DOCK9: variants seen among roughly 807,000 people sequenced by gnomAD.
DOCK9 encodes the protein dedicator of cytokinesis 9, also known as dedicator of cytokinesis protein 9.
A neutral mutation model predicts 263.3 loss-of-function variants in DOCK9; 89 were observed. The ratio of observed to expected loss-of-function variants is 0.34; its 90% CI spans 0.28 to 0.40. The LOEUF is 0.40. Among genes scored for constraint, DOCK9 ranks in the 10% least tolerant of loss-of-function variants. The probability of loss-of-function intolerance (pLI) is 1.00; values close to 1 mark genes in which losing one functional copy is unlikely to be tolerated. For synonymous variants in DOCK9, 976 were observed against 973.1 expected, an observed-to-expected ratio of 1.00 and a Z score of -0.06; for missense variants, 2,140 against 2,603.4, an observed-to-expected ratio of 0.82 and a Z score of 3.87.
intron 33 of DOCK9, chr13:98,860,158 A>G: frequency 7.5e-7 from 1 of 1,338,802 alleles, no homozygotes; most frequent in Non-Finnish European, 9.6e-7. Context: ...GTTGAACAAA[A>G]AGCAAACAGC....
chr13:98,809,204 A>G (rs2091038819), intron 47 of DOCK9, 148 bp downstream of exon 47: 7 of 1,284,572 alleles, frequency 5.4e-6, no homozygotes, highest in Admixed American at 2.3e-5. Context: ...GATAAGAATC[A>G]TACTAAATAT....
At chr13:98,915,632 C>A (rs966931473) in intron 7 of DOCK9, 129 bp from the exon 8 acceptor site, 43 of 836,330 alleles carry the variant, frequency 5.1e-5, no homozygotes, top group Non-Finnish European at 7.5e-5. Context: ...ATAGCTTGCC[C>A]CCTCCTCATG....
chr13:99,087,410 C>T (rs532851611), upstream of DOCK9, among the ~76,000 whole-genome samples: 2 of 152,316 alleles, frequency 1.3e-5, no homozygotes, highest in East Asian at 3.9e-4. Context: ...TCAGGTGACA[C>T]GGCGGCCCTC....
intron 1 of DOCK9, among the ~76,000 whole-genome samples, chr13:98,991,788 C>T (rs1008176087): frequency 2.0e-5 from 3 of 151,922 alleles, no homozygotes; most frequent in Non-Finnish European, 2.9e-5. Flanking sequence ...TTTCCAATCT[C>T]CTTGGCAGTT....
intron 45 of DOCK9, among the ~76,000 whole-genome samples, chr13:98,819,510 G>A (rs1331150138): frequency 6.6e-6 from 1 of 152,202 alleles, no homozygotes. Context: ...CTCACTCTCA[G>A]ACCTCTGGCC....
chr13:99,056,841 C>G (rs1053772322), intron 1 of DOCK9, among the ~76,000 whole-genome samples: 1 of 152,194 alleles, frequency 6.6e-6, no homozygotes, highest in Non-Finnish European at 1.5e-5. Flanking sequence ...GCTCCTCGCC[C>G]TGAGGAAAGA....
intron 39 of DOCK9, among the ~76,000 whole-genome samples, chr13:98,833,310 C>T (rs1360890700): frequency 1.3e-5 from 2 of 152,042 alleles, no homozygotes; most frequent in Admixed American, 1.3e-4. Context: ...TTGCTTTCCT[C>T]CAATGAATTT....
intron 25 of DOCK9, 111 bp from the exon 26 acceptor site, chr13:98,880,783 G>A: frequency 7.3e-7 from 1 of 1,369,588 alleles, no homozygotes; most frequent in South Asian, 1.4e-5. Context: ...TATCATTTGT[G>A]GGAGAGGAAG....
rs371968442 is a variant in DOCK9, at chr13:98,952,436, C to T, written c.243+2999G>A. Among the ~76,000 whole-genome samples the T allele has an allele frequency of 2.0e-5, 3 of 152,026 alleles. No homozygotes were observed. In the South Asian group the frequency reaches 6.2e-4, roughly 32 times the overall value. Reference sequence around the variant, plus strand: ...TTTTCTGGTAGAGATGGGGTTTCACCATATTGGCCAGGCTGGTCTCAAACT... The same window carrying T: ...TTTTCTGGTAGAGATGGGGTTTCACTATATTGGCCAGGCTGGTCTCAAACT... On this transcript the variant is annotated intron_variant, in intron 2 of 52. Coordinates refer to ENST00000682017, the MANE Select transcript of DOCK9 (RefSeq NM_001366683.2).
At chr13:98,827,425 T>A (rs1196816699) in intron 43 of DOCK9, among the ~76,000 whole-genome samples, 1 of 152,202 alleles carries the variant, frequency 6.6e-6, no homozygotes. Context: ...AAAAAAGAAA[T>A]TTTTTCACCA....
intron 1 of DOCK9, among the ~76,000 whole-genome samples, chr13:99,038,095 C>T (rs772049948): frequency 6.6e-6 from 1 of 151,970 alleles, no homozygotes; most frequent in Non-Finnish European, 1.5e-5. Flanking sequence ...TAATGTACAT[C>T]AATTATCATC....
At chr13:99,065,907 A>T in intron 1 of DOCK9, among the ~76,000 whole-genome samples, 1 of 152,234 alleles carries the variant, frequency 6.6e-6, no homozygotes. Context: ...AAATGTGTTC[A>T]CTTAATTGAT....
chr13:98,867,800 C>T (rs1429961684), intron 29 of DOCK9, 128 bp downstream of exon 29: 4 of 890,238 alleles, frequency 4.5e-6, no homozygotes, highest in East Asian at 5.3e-5. Flanking sequence ...CTTATAATTA[C>T]AGACACAGGC....
At chr13:98,924,741 T>C (rs1722893897) in intron 4 of DOCK9, among the ~76,000 whole-genome samples, 1 of 152,246 alleles carries the variant, frequency 6.6e-6, no homozygotes, top group African/African-American at 2.4e-5. Flanking sequence ...TTGGTCTCTT[T>C]TCACAAGTGC....
At chr13:98,874,294 C>T (rs1269441912) in intron 27 of DOCK9, among the ~76,000 whole-genome samples, 1 of 152,184 alleles carries the variant, frequency 6.6e-6, no homozygotes, top group Admixed American at 6.5e-5. Context: ...TTTTGAGATC[C>T]AACCATGCTG....
intron 3 of DOCK9, among the ~76,000 whole-genome samples, chr13:98,929,596 GAT>G (rs1432175917): frequency 1.2e-4 from 18 of 151,650 alleles, no homozygotes; most frequent in Non-Finnish European, 4.4e-5. Flanking sequence ...TCTTCCATAA[GAT>G]AATTTTATTT....
chr13:98,903,435 T>C (rs1471024741), intron 10 of DOCK9, among the ~76,000 whole-genome samples: 1 of 151,160 alleles, frequency 6.6e-6, no homozygotes, highest in Admixed American at 6.6e-5. Flanking sequence ...CTACAAAAAA[T>C]ACAAAAAAAT....
At chr13:98,949,031 T>C (rs1256669401) in intron 2 of DOCK9, among the ~76,000 whole-genome samples, 1 of 152,202 alleles carries the variant, frequency 6.6e-6, no homozygotes, top group Non-Finnish European at 1.5e-5. Context: ...AAATCTCTCT[T>C]TGAGTCCCTG....
At chr13:98,903,368 C>A (rs193179270) in intron 10 of DOCK9, among the ~76,000 whole-genome samples, 1 of 152,034 alleles carries the variant, frequency 6.6e-6, no homozygotes, top group African/African-American at 2.4e-5. Context: ...CCGAGGCTGG[C>A]GGCTCACCAG....
Sources: gnomAD v4.1 joint callset for allele counts (sites outside exome capture counted in the v4.1 genomes callset) on GRCh38, gnomAD v4.1.1 for gene constraint, MANE v1.5 for transcripts, NCBI Gene and HGNC (gene_info 2026-07-23, HGNC 2026-07-21) for gene names.